Variants in TICRR observed in about 807,000 individuals in gnomAD.
The protein encoded by TICRR is TOPBP1 interacting checkpoint and replication regulator.
A neutral mutation model predicts 178.1 loss-of-function variants in TICRR; 132 were observed. The ratio of observed to expected loss-of-function variants is 0.74; its 90% confidence interval spans 0.64 to 0.86. The LOEUF (loss-of-function observed/expected upper bound fraction) is 0.86. Ranked by LOEUF, TICRR falls within the 40% of genes least tolerant of loss-of-function variation. The pLI is 0.00. For missense variants in TICRR, 2,587 were observed against 2,334.3 expected (o/e 1.11, Z -2.23); for synonymous variants, 991 against 900.7 (o/e 1.10, Z -1.79).
chr15:89,619,127 A>G (rs1026564115), intron 17 of TICRR, among the ~76,000 whole-genome samples: 2 of 152,156 alleles, frequency 1.3e-5, no homozygotes, highest in African/African-American at 2.4e-5. Context: ...ACATTTTAGC[A>G]TATACTCTTA....
In TICRR at chr15:89,589,998, A is replaced by T. The variant is rs539608586; in HGVS notation, c.1412-2049A>T. Among the ~76,000 whole-genome samples, 7 of 152,306 alleles carry T rather than the reference A, an allele frequency of 4.6e-5. No individual in the cohort carries two copies. In the South Asian group the frequency reaches 8.3e-4, roughly 18 times the overall value. On this transcript the variant is annotated intron_variant, in intron 4 of 21. Transcript: ENST00000268138. ...ATAAAAATTCTAGTTTGATTAAAAGACACATTAAATCCATAATAAGTAAAG... is the reference window on the plus strand; with the variant it reads ...ATAAAAATTCTAGTTTGATTAAAAGTCACATTAAATCCATAATAAGTAAAG...
rs79501973 is a variant in TICRR, at chr15:89,624,427, G to A, written c.4117G>A (p.Val1373Ile). 16,027 of 1,614,132 alleles carry A rather than the reference G, an allele frequency of 9.9e-3. 1,040 individuals carry two copies. In the Admixed American group the frequency reaches 0.14, roughly 14 times the overall value. The change falls in exon 20 of 22, where the codon GTC becomes ATC. Residue 1373 changes from valine (V) to isoleucine (I), a missense_variant. Transcript: ENST00000268138. ...ELSQRATLDT[V>I]PPPPPSKVGK... ...CTCACAGAGAGCTACATTGGACACC[G>A]TCCCTCCTCCACCCCCTTCTAAAGT...
intron 10 of TICRR, 32 bp downstream of exon 10, chr15:89,601,423 G>T (rs776516485): frequency 6.2e-7 from 1 of 1,611,218 alleles, no homozygotes. Flanking sequence ...ATTGAAATAC[G>T]CCCTAGATGC....
chr15:89,596,080 A>G (rs1962993989), intron 7 of TICRR, among the ~76,000 whole-genome samples: 1 of 152,176 alleles, frequency 6.6e-6, no homozygotes, highest in South Asian at 2.1e-4. Flanking sequence ...CAGGAACATA[A>G]TTTCTGGACT....
At chr15:89,616,962 C>A (rs1963345328) in intron 16 of TICRR, among the ~76,000 whole-genome samples, 1 of 152,134 alleles carries the variant, frequency 6.6e-6, no homozygotes, top group African/African-American at 2.4e-5. Flanking sequence ...GGCTTGAGAG[C>A]TCTCCTTCCT....
At chr15:89,622,636 G>A (rs1023579975) in intron 19 of TICRR, among the ~76,000 whole-genome samples, 3 of 152,170 alleles carry the variant, frequency 2.0e-5, no homozygotes, top group African/African-American at 7.2e-5. Flanking sequence ...ACACAACCAA[G>A]ATCAGTCTCC....
At position 89,601,719 on chromosome 15, in the gene TICRR, G is replaced by A. The variant is rs374033299; in HGVS notation, c.2328-18G>A. ...GTAAGATGGTAACTGTTCCGTATTC[G>A]ATCAATCTGTTCCACAGGTATATTG... On this transcript the variant is annotated intron_variant, in intron 11 of 21. Transcript: ENST00000268138. 38 of 1,613,760 alleles carry A rather than the reference G, an allele frequency of 2.4e-5. No individual in the cohort carries two copies. In the African/African-American group the frequency reaches 3.2e-4, roughly 14 times the overall value.
In TICRR at chr15:89,592,108, T is replaced by C. The variant is rs1962923702; in HGVS notation, c.1473T>C (p.Ala491=). ...GCCACACCACTCCCTGGAGTCCAGCTGTTGTGGAAAAGTGGTTTCCTTTCT... is the reference window on the plus strand; with the variant it reads ...GCCACACCACTCCCTGGAGTCCAGCCGTTGTGGAAAAGTGGTTTCCTTTCT... The part of the protein sequence containing the change: ...ELGHTTPWSP[A]VVEKWFPFCN... The change falls in exon 5 of 22, where the codon GCT becomes GCC. Residue 491 remains alanine, a synonymous_variant. Coordinates refer to ENST00000268138, the MANE Select transcript of TICRR (RefSeq NM_152259.4). 1 of 1,612,630 alleles carries C rather than the reference T, an allele frequency of 6.2e-7. No individual in the cohort carries two copies. The highest frequency in any genetic ancestry group is 8.5e-7 in the Non-Finnish European group (1 of 1,178,720).
chr15:89,585,412 A>G (rs1304987306), intron 3 of TICRR, among the ~76,000 whole-genome samples: 1 of 152,140 alleles, frequency 6.6e-6, no homozygotes, highest in Non-Finnish European at 1.5e-5. Context: ...TCCTTTATAA[A>G]ATGGGGATAA....
chr15:89,624,629 A>G lies in TICRR; in HGVS notation c.4319A>G (p.Tyr1440Cys). Reference protein sequence around the residue: ...SPQSPPERRGYPGPGLRSDWH... With the variant: ...SPQSPPERRGCPGPGLRSDWH... ...CAGTCTCCTCCTGAAAGACGGGGCT[A>G]CCCAGGCCCTGGTCTCAGGAGTGAT... The change falls in exon 20 of 22, where the codon TAC (tyrosine) becomes TGC (cysteine). Residue 1440 changes from tyrosine to cysteine, a missense_variant. Tyr to Cys is a radical substitution (Grantham distance 194). Coordinates refer to ENST00000268138, the MANE Select transcript of TICRR (RefSeq NM_152259.4). 6.2e-7 allele frequency: 1 copy of G among 1,613,992 alleles called. No individual in the cohort carries two copies. Among genetic ancestry groups the G allele is most frequent in the Non-Finnish European group, 8.5e-7 (1 of 1,180,014 alleles).
chr15:89,621,006 C>T (rs960325332), intron 18 of TICRR, among the ~76,000 whole-genome samples: 2 of 150,662 alleles, frequency 1.3e-5, no homozygotes, highest in African/African-American at 4.9e-5. Flanking sequence ...CAGGCGTGAG[C>T]CACTGCGCCC....
At position 89,592,058 on chromosome 15, in the gene TICRR, C is replaced by G; in HGVS notation, c.1423C>G (p.Pro475Ala). 1 of 1,610,560 alleles carries G rather than the reference C, an allele frequency of 6.2e-7. No homozygotes were observed. Among genetic ancestry groups the G allele is most frequent in the Non-Finnish European group, 8.5e-7 (1 of 1,177,268 alleles). Residue 475 changes from proline (P) to alanine (A), a missense_variant, in exon 5 of 22, where the codon CCA becomes GCA. Transcript: ENST00000268138. ...ADTASAASPVPEWAQQELGHT... is the reference protein window; with the variant it reads ...ADTASAASPVAEWAQQELGHT... ...CTTTGCTCCAATAGCTTCTCCTGTTCCAGAGTGGGCCCAGCAGGAGCTTGG... is the reference window on the plus strand; with the variant it reads ...CTTTGCTCCAATAGCTTCTCCTGTTGCAGAGTGGGCCCAGCAGGAGCTTGG...
Position 89,625,796 on chromosome 15 carries a change from T to C in TICRR, c.5476+10T>C, listed in dbSNP as rs370974052. ...GAGGTGTTTGTTTCCGGTGAGTTCG[T>C]TTTTGAAACCCAGTTTCCTCATGGT... On this transcript the variant is annotated intron_variant, in intron 20 of 21. Coordinates refer to ENST00000268138, the MANE Select transcript of TICRR (RefSeq NM_152259.4). The C allele has an allele frequency of 1.8e-4, 284 of 1,587,722 alleles. No homozygotes were observed. Among genetic ancestry groups the C allele is most frequent in the Non-Finnish European group, 2.3e-4 (272 of 1,165,868 alleles).
In TICRR at chr15:89,600,649, T is replaced by C; in HGVS notation, c.2117T>C (p.Leu706Pro). Residue 706 changes from leucine to proline, a missense_variant, in exon 9 of 22, where the codon CTA (leucine) becomes CCA (proline). Physicochemically the swap from Leu to Pro is moderately conservative, Grantham distance 98. Transcript: ENST00000268138. Reference protein sequence around the residue: ...LKTSKSLRQNLGKKLDKEDKV... With the variant: ...LKTSKSLRQNPGKKLDKEDKV... ...ACTAGTAAAAGTCTTCGACAGAATCTAGGAAAAAAACTGGATAAGGAAGAC... is the reference window on the plus strand; with the variant it reads ...ACTAGTAAAAGTCTTCGACAGAATCCAGGAAAAAAACTGGATAAGGAAGAC... The C allele has an allele frequency of 6.3e-7, 1 of 1,595,256 alleles. No individual in the cohort carries two copies. The highest frequency in any genetic ancestry group is 2.2e-5 in the East Asian group (1 of 44,598).
intron 5 of TICRR, among the ~76,000 whole-genome samples, chr15:89,592,381 G>A (rs1962928105): frequency 6.6e-6 from 1 of 151,880 alleles, no homozygotes; most frequent in South Asian, 2.1e-4. Flanking sequence ...ATATATACCT[G>A]CCAAAAATTC....
intron 1 of TICRR, among the ~76,000 whole-genome samples, chr15:89,577,599 C>CTT (rs71151513): frequency 0.33 from 20,322 of 60,934 alleles, 7,512 homozygotes; most frequent in South Asian, 0.4. Context: ...GAGGGAAGGC[C>CTT]TTTTTTTTTT....
At chr15:89,619,328 C>T (rs534817348) in intron 17 of TICRR, among the ~76,000 whole-genome samples, 156 of 149,498 alleles carry the variant, frequency 1.0e-3, no homozygotes, top group African/African-American at 3.6e-3. Flanking sequence ...CAGGTTCAAG[C>T]GATTCTCCTG....
At position 89,595,530 on chromosome 15, in the gene TICRR, G is replaced by C. The variant is rs758634353; in HGVS notation, c.1819G>C (p.Gly607Arg). The change falls in exon 7 of 22, where the codon GGA becomes CGA. Residue 607 changes from glycine (G) to arginine (R), a missense_variant. Physicochemically the swap from Gly to Arg is moderately radical, Grantham distance 125. Coordinates refer to ENST00000268138, the MANE Select transcript of TICRR (RefSeq NM_152259.4). ...CAGTCCGGATGTGGCTGGGGAGAAA[G>C]GAATCCAAAAGATACCTAGTGGGAG... ...DGSPDVAGEKGIQKIPSGRTV... is the reference protein window; with the variant it reads ...DGSPDVAGEKRIQKIPSGRTV... 1 of 1,614,116 alleles carries C rather than the reference G, an allele frequency of 6.2e-7. No homozygotes were observed. Among genetic ancestry groups the C allele is most frequent in the African/African-American group, 1.3e-5 (1 of 75,014 alleles).
At position 89,601,957 on chromosome 15, in the gene TICRR, A is replaced by G. The variant is rs746553986; in HGVS notation, c.2548A>G (p.Arg850Gly). 5.0e-6 allele frequency: 8 copies of G among 1,614,186 alleles called. No homozygotes were observed. The highest frequency in any genetic ancestry group is 6.8e-6 in the Non-Finnish European group (8 of 1,180,016). Residue 850 changes from arginine (R) to glycine (G), a missense_variant, in exon 12 of 22, where the codon AGA becomes GGA. By Grantham distance (125) the Arg-to-Gly change is moderately radical. Coordinates refer to ENST00000268138, the MANE Select transcript of TICRR (RefSeq NM_152259.4). ...ESDELQELRT[R>G]SAKKRRKNAL... ...TGATGAACTGCAGGAACTTCGTACC[A>G]GATCAGCCAAGAAGAGAAGGTAAGA...
Sources: allele counts gnomAD v4.1 joint callset (sites outside exome capture counted in the v4.1 genomes callset), GRCh38; gene constraint gnomAD v4.1.1; transcripts MANE v1.5; gene names NCBI Gene and HGNC (gene_info 2026-07-23, HGNC 2026-07-21).